Variants in ALOXE3 observed in about 807,000 individuals in gnomAD.
ALOXE3 encodes hydroperoxide isomerase ALOXE3.
Under a neutral mutation model 87.5 loss-of-function variants are expected in ALOXE3, and 78 were observed. That is an observed-to-expected ratio of 0.89 (90% CI 0.74 to 1.08). The LOEUF is 1.08. ALOXE3 is among the 50% of genes least tolerant of loss of function. ALOXE3 has a pLI of 0.00. For missense variants in ALOXE3, 946 were observed against 912.4 expected, an observed-to-expected ratio of 1.04 and a Z score of -0.47; for synonymous variants, 363 against 370.8, an observed-to-expected ratio of 0.98 and a Z score of 0.24.
In ALOXE3 at chr17:8,101,227, C is replaced by T. The variant is rs916980766; in HGVS notation, c.1956+2096G>A. Among the ~76,000 whole-genome samples, 134 of 152,220 alleles carry T rather than the reference C, an allele frequency of 8.8e-4. 1 individual carries two copies. Among genetic ancestry groups the T allele is most frequent in the African/African-American group, 3.0e-3 (125 of 41,530 alleles). On this transcript the variant is annotated intron_variant, in intron 15 of 15. Coordinates refer to ENST00000448843, the MANE Select transcript of ALOXE3 (RefSeq NM_021628.3). ...TTTTTAGTAGAGATGGGGGTTTCAC[C>T]ATGTTGGCCAGGCTGATCTCGAACT...
At chr17:8,104,467 C>T (rs1979145698) in intron 13 of ALOXE3, among the ~76,000 whole-genome samples, 1 of 152,174 alleles carries the variant, frequency 6.6e-6, no homozygotes, top group African/African-American at 2.4e-5. Flanking sequence ...GAGGCAGCTT[C>T]AAGCCCAAGT....
intron 13 of ALOXE3, among the ~76,000 whole-genome samples, chr17:8,106,154 A>G (rs1979294665): frequency 1.3e-5 from 2 of 152,042 alleles, no homozygotes; most frequent in African/African-American, 4.8e-5. Context: ...CCAGAGCACT[A>G]TGAGGAAGAC....
In ALOXE3 at chr17:8,108,006, A is replaced by AGGAAG. The variant is rs771168700; in HGVS notation, c.1684+461_1684+462insCTTCC. On this transcript the variant is annotated intron_variant, in intron 13 of 15. Transcript: ENST00000448843. ...AGAAAGAAAGAAAGGAAGGAAAGAA[A>AGGAAG]GAAAGAAAGAAAGAAAGAAAGAAAG... Among the ~76,000 whole-genome samples, 2 of 53,800 alleles carry AGGAAG rather than the reference A, an allele frequency of 3.7e-5. 1 individual carries two copies. Among genetic ancestry groups the AGGAAG allele is most frequent in the Non-Finnish European group, 8.4e-5 (2 of 23,944 alleles). The allele number at this position is 53,800 out of a possible 152,430, so 35.3% of individuals were successfully genotyped here. A position where few individuals can be genotyped will look rare whatever the true frequency, so the allele number is the denominator to read the frequency against.
Position 8,110,541 on chromosome 17 carries a change from C to T in ALOXE3, c.958-13G>A. Reference sequence around the variant, plus strand: ...AGATGTTCCCCCTCTGCAGAAGGCACACAGAGGCTGAGTGTCCCTCCCTAC... The same window carrying T: ...AGATGTTCCCCCTCTGCAGAAGGCATACAGAGGCTGAGTGTCCCTCCCTAC... On this transcript the variant is annotated splice_polypyrimidine_tract_variant and intron_variant, in intron 8 of 15. Coordinates refer to ENST00000448843, the MANE Select transcript of ALOXE3 (RefSeq NM_021628.3). The T allele has an allele frequency of 6.2e-7, 1 of 1,613,724 alleles. No homozygotes were observed. Among genetic ancestry groups the T allele is most frequent in the Non-Finnish European group, 8.5e-7 (1 of 1,179,852 alleles).
At chr17:8,102,178 A>G (rs1363130961) in intron 15 of ALOXE3, among the ~76,000 whole-genome samples, 3 of 152,044 alleles carry the variant, frequency 2.0e-5, no homozygotes, top group African/African-American at 7.2e-5. Flanking sequence ...AGCAGATTTA[A>G]CCATTGGGCC....
intron 8 of ALOXE3, 99 bp from the exon 9 acceptor site, chr17:8,110,627 CCCAGCTGAGGTCT>C (rs1979994840): frequency 6.5e-7 from 1 of 1,535,074 alleles, no homozygotes; most frequent in African/African-American, 1.4e-5. Context: ...AGCTGAGGCC[CCCAGCTGAGGTCT>C]CAGAAATTCT....
chr17:8,108,674 G>A (rs1979724369), intron 12 of ALOXE3, 85 bp from the exon 13 acceptor site: 21 of 1,568,466 alleles, frequency 1.3e-5, no homozygotes, highest in Non-Finnish European at 1.8e-5. Context: ...TGCTCAGGCG[G>A]CAGAGAGACA....
In ALOXE3 at chr17:8,118,011, G is replaced by A; in HGVS notation, c.-21C>T. 2 of 1,608,486 alleles carry A rather than the reference G, an allele frequency of 1.2e-6. No individual in the cohort carries two copies. Among genetic ancestry groups the A allele is most frequent in the Admixed American group, 3.4e-5 (2 of 59,628 alleles). The stretch of plus-strand genomic sequence containing the variant: ...GCCATGATGGGAAGGAGGAAGGGAT[G>A]CCCCGGCAACGCTGGCCGCAGCAGC... On this transcript the variant is annotated 5_prime_UTR_variant, in exon 2 of 16. Coordinates refer to ENST00000448843, the MANE Select transcript of ALOXE3 (RefSeq NM_021628.3).
At chr17:8,118,786 G>T, upstream of ALOXE3, 1 of 1,537,060 alleles carries the variant, frequency 6.5e-7, no homozygotes, top group South Asian at 1.2e-5. Flanking sequence ...CATTCTTTCC[G>T]CTCCAGGACC....
Position 8,115,659 on chromosome 17 carries a change from G to C in ALOXE3, c.382C>G (p.Leu128Val). Residue 128 changes from leucine (L) to valine (V), a missense_variant, in exon 4 of 16, where the codon CTC becomes GTC. Leu to Val is a conservative substitution (Grantham distance 32). Transcript: ENST00000448843. ...ARTICQDSLP[L>V]LLDHRTRELR... ...TCCCGTGTCCTGTGATCCAGGAGGA[G>C]GGGAAGAGAGTCCTGACAAATAGTT... is the stretch of plus-strand genomic sequence containing the variant. 1 of 1,613,910 alleles carries C rather than the reference G, an allele frequency of 6.2e-7. No homozygotes were observed. Among genetic ancestry groups the C allele is most frequent in the Middle Eastern group, 1.7e-4 (1 of 6,060 alleles).
chr17:8,117,922 A>G lies in ALOXE3; in HGVS notation c.69T>C (p.Ser23=), dbSNP rs749341143. 1 of 1,612,350 alleles carries G rather than the reference A, an allele frequency of 6.2e-7. No homozygotes were observed. Among genetic ancestry groups the G allele is most frequent in the Non-Finnish European group, 8.5e-7 (1 of 1,179,612 alleles). ...YLRAGTLDNI[S]VTLVGTCGES... ...CACCACACGTGCCCACCAGTGTGAC[A>G]GAGATGTTGTCCAGTGTGCCGGCCC... Residue 23 remains serine (S), a synonymous_variant, in exon 2 of 16, where the codon TCT becomes TCC. Coordinates refer to ENST00000448843, the MANE Select transcript of ALOXE3 (RefSeq NM_021628.3).
intron 15 of ALOXE3, among the ~76,000 whole-genome samples, chr17:8,099,022 C>CTTTTTTTT: frequency 1.6e-5 from 2 of 126,738 alleles, no homozygotes; most frequent in Non-Finnish European, 3.3e-5. Flanking sequence ...GGCTAGTTTT[C>CTTTTTTTT]TTTTTTTTTT....
chr17:8,101,886 G>A (rs1157261684), intron 15 of ALOXE3, among the ~76,000 whole-genome samples: 2 of 151,908 alleles, frequency 1.3e-5, no homozygotes, highest in Admixed American at 6.6e-5. Context: ...GCAATCCACC[G>A]GCCTCAGCCT....
chr17:8,118,604 A>G, upstream of ALOXE3: 2 of 1,532,826 alleles, frequency 1.3e-6, no homozygotes, highest in East Asian at 2.5e-5. Flanking sequence ...ATTCCAGCAC[A>G]TGTCAAATGG....
intron 5 of ALOXE3, 115 bp downstream of exon 5, chr17:8,114,823 T>C: frequency 2.6e-6 from 4 of 1,528,198 alleles, no homozygotes; most frequent in Non-Finnish European, 3.6e-6. Flanking sequence ...GATGCTTGAA[T>C]GAAACTGCAT....
chr17:8,100,432 T>A (rs114705657), intron 15 of ALOXE3, among the ~76,000 whole-genome samples: 2,202 of 152,258 alleles, frequency 0.014, 68 homozygotes, highest in African/African-American at 0.05. Flanking sequence ...TGCATGCAAG[T>A]GTTTCACCCT....
At chr17:8,115,189 A>T (rs1348258912) in intron 4 of ALOXE3, 132 bp from the exon 5 acceptor site, 1 of 1,279,486 alleles carries the variant, frequency 7.8e-7, no homozygotes, top group East Asian at 2.3e-5. Context: ...GGAATTGGAC[A>T]TTTCTCCATG....
chr17:8,096,698 G>T lies in ALOXE3; in HGVS notation c.2065C>A (p.Arg689=), dbSNP rs1311967606. 1 of 1,600,690 alleles carries T rather than the reference G, an allele frequency of 6.2e-7. No individual in the cohort carries two copies. The highest frequency in any genetic ancestry group is 1.3e-5 in the African/African-American group (1 of 74,572). The change falls in exon 16 of 16, where the codon CGG becomes AGG. Residue 689 remains arginine, a synonymous_variant. Coordinates refer to ENST00000448843, the MANE Select transcript of ALOXE3 (RefSeq NM_021628.3). Reference sequence around the variant, plus strand: ...TAGGGCAGTGCCAGACCCTGGTTCCGCTCCTGGATGTCCCTTGAGATCTGG... The same window carrying T: ...TAGGGCAGTGCCAGACCCTGGTTCCTCTCCTGGATGTCCCTTGAGATCTGG... ...LAQISRDIQE[R]NQGLALPYTY...
chr17:8,105,910 G>A (rs1275764465), intron 13 of ALOXE3, among the ~76,000 whole-genome samples: 17 of 56,738 alleles, frequency 3.0e-4, no homozygotes, highest in South Asian at 1.4e-3. Flanking sequence ...GTGAGACCCC[G>A]CCTCAAAAAA....
Sources: allele counts gnomAD v4.1 joint callset (sites outside exome capture counted in the v4.1 genomes callset), GRCh38; gene constraint gnomAD v4.1.1; transcripts MANE v1.5; gene names NCBI Gene and HGNC (gene_info 2026-07-23, HGNC 2026-07-21).